The following NPTN variants were observed in gnomAD, a reference collection of about 807,000 sequenced individuals.
NPTN encodes SDR-1.
Under a neutral mutation model 42.7 loss-of-function variants are expected in NPTN, and 5 were observed. The observed-to-expected ratio is 0.12, with a 90% CI of 0.06 to 0.25. The LOEUF (loss-of-function observed/expected upper bound fraction) is 0.25, where lower values mean the gene tolerates loss of function less well. NPTN is among the 10% of genes least tolerant of loss of function. The probability of loss-of-function intolerance (pLI) is 1.00; values close to 1 mark genes in which losing one functional copy is unlikely to be tolerated. For synonymous variants in NPTN, 180 were observed against 201.9 expected, an observed-to-expected ratio of 0.89 and a Z score of 0.92; for missense variants, 307 against 525.4, an observed-to-expected ratio of 0.58 and a Z score of 4.06.
At chr15:73,580,434 T>C (rs912651279) in intron 4 of NPTN, among the ~76,000 whole-genome samples, 1 of 79,654 alleles carries the variant, frequency 1.3e-5, no homozygotes, top group African/African-American at 5.1e-5. Flanking sequence ...ATATATATAA[T>C]ATATATAATA....
chr15:73,596,184 T>C (rs1320174038), intron 2 of NPTN, among the ~76,000 whole-genome samples: 1 of 152,254 alleles, frequency 6.6e-6, no homozygotes, highest in African/African-American at 2.4e-5. Flanking sequence ...TAGTGTCACC[T>C]GGCTCCTAAC....
In NPTN at chr15:73,560,537, A is replaced by G. The variant is rs1420552668; in HGVS notation, c.*526T>C. On this transcript the variant is annotated 3_prime_UTR_variant, in exon 9 of 9. Transcript: ENST00000345330. ...AACTGCACAATTTCCTCATCTGACA[A>G]CATACAATAAGGAATGAATATCAGC... 1 of 152,148 alleles carries G rather than the reference A, an allele frequency of 6.6e-6. No homozygotes were observed. The highest frequency in any genetic ancestry group is 1.5e-5 in the Non-Finnish European group (1 of 67,952). 9.4% of individuals were successfully genotyped at this position (152,148 alleles called of 1,614,324 possible).
In NPTN at chr15:73,622,777, C is replaced by G. The variant is rs114235158; in HGVS notation, c.91+10348G>C. ...AAACCTCACCAAATTACAAGGCTGT[C>G]TTTTAAGTTCTAACTGGAAGGCCAA... On this transcript the variant is annotated intron_variant, in intron 1 of 8. Coordinates refer to ENST00000345330, the MANE Select transcript of NPTN (RefSeq NM_012428.4). Among the ~76,000 whole-genome samples, 1,507 of 152,312 alleles carry G rather than the reference C, an allele frequency of 9.9e-3. 25 individuals carry two copies. Among genetic ancestry groups the G allele is most frequent in the African/African-American group, 0.034 (1,432 of 41,566 alleles).
intron 1 of NPTN, among the ~76,000 whole-genome samples, chr15:73,611,776 G>A (rs1897592940): frequency 6.6e-6 from 1 of 152,140 alleles, no homozygotes; most frequent in Non-Finnish European, 1.5e-5. Flanking sequence ...ATGTGTCAGT[G>A]TAGGTTCATC....
intron 4 of NPTN, among the ~76,000 whole-genome samples, chr15:73,580,560 ATATACATGT>A (rs1895982695): frequency 7.1e-6 from 1 of 141,122 alleles, no homozygotes; most frequent in African/African-American, 2.6e-5. Flanking sequence ...GTATATATGT[ATATACATGT>A]TATATATGTA....
At chr15:73,613,301 T>C (rs777956806) in intron 1 of NPTN, among the ~76,000 whole-genome samples, 1 of 152,218 alleles carries the variant, frequency 6.6e-6, no homozygotes, top group South Asian at 2.1e-4. Context: ...TTTATTTTTA[T>C]CTATTAAAAT....
At chr15:73,616,971 CAGT>C (rs1566988251) in intron 1 of NPTN, among the ~76,000 whole-genome samples, 1 of 152,164 alleles carries the variant, frequency 6.6e-6, no homozygotes, top group Non-Finnish European at 1.5e-5. Context: ...GCTTCCCTCT[CAGT>C]AGGCCAATTT....
intron 1 of NPTN, among the ~76,000 whole-genome samples, chr15:73,616,461 G>T (rs960623517): frequency 6.6e-6 from 1 of 151,964 alleles, no homozygotes; most frequent in Non-Finnish European, 1.5e-5. Context: ...GATATACCAC[G>T]GGCCAAAGAG....
intron 1 of NPTN, among the ~76,000 whole-genome samples, chr15:73,598,842 G>A (rs1319450070): frequency 6.6e-6 from 1 of 152,122 alleles, no homozygotes. Context: ...TGAAAATGGA[G>A]GTTACTAAGT....
intron 1 of NPTN, among the ~76,000 whole-genome samples, chr15:73,616,560 C>T (rs1189405546): frequency 1.3e-5 from 2 of 152,170 alleles, no homozygotes. Context: ...CCTGCTGCCT[C>T]CTCAGTCCCT....
chr15:73,627,163 A>G (rs574771946), intron 1 of NPTN, among the ~76,000 whole-genome samples: 101 of 152,212 alleles, frequency 6.6e-4, no homozygotes, highest in Non-Finnish European at 1.2e-3. Context: ...TTGAACCCAG[A>G]AGGTGGAGGT....
chr15:73,585,465 G>T (rs950119297), intron 4 of NPTN, among the ~76,000 whole-genome samples: 2 of 152,204 alleles, frequency 1.3e-5, no homozygotes, highest in South Asian at 4.1e-4. Context: ...CACAATTGGA[G>T]GTTAGCTTAG....
intron 1 of NPTN, chr15:73,599,673 G>A (rs35334850): frequency 4.0e-5 from 6 of 151,760 alleles, no homozygotes; most frequent in African/African-American, 1.2e-4. Context: ...GGGAAGTAAA[G>A]GAAGTTGGTT....
chr15:73,580,219 A>G (rs1895915665), intron 4 of NPTN, among the ~76,000 whole-genome samples: 1 of 151,486 alleles, frequency 6.6e-6, no homozygotes, highest in East Asian at 1.9e-4. Context: ...AAAAATAAAA[A>G]TATACAACAT....
intron 6 of NPTN, chr15:73,568,445 C>T (rs1277126141): frequency 1.0e-6 from 1 of 985,256 alleles, no homozygotes; most frequent in African/African-American, 1.7e-5. Context: ...ATAAAAAGGC[C>T]CTTTTCAGGA....
At chr15:73,567,089 T>C in intron 6 of NPTN, 2 of 980,654 alleles carry the variant, frequency 2.0e-6, no homozygotes, top group Non-Finnish European at 2.4e-6. Context: ...TTTGATTTTC[T>C]AGTGAAACAT....
chr15:73,602,380 A>G (rs1222221814), intron 1 of NPTN, among the ~76,000 whole-genome samples: 1 of 152,208 alleles, frequency 6.6e-6, no homozygotes. Context: ...ATGACAGCCA[A>G]GATCATAAGA....
intron 6 of NPTN, chr15:73,568,145 C>G: frequency 2.6e-5 from 26 of 985,442 alleles, no homozygotes; most frequent in Non-Finnish European, 3.1e-5. Flanking sequence ...GGTGTCTGCA[C>G]TTATCCAACA....
chr15:73,630,236 C>A (rs1420802080), intron 1 of NPTN, among the ~76,000 whole-genome samples: 1 of 152,142 alleles, frequency 6.6e-6, no homozygotes, highest in Non-Finnish European at 1.5e-5. Context: ...CTGAAGTTTG[C>A]ATTACTCAAG....
Sources: allele counts gnomAD v4.1 joint callset (sites outside exome capture counted in the v4.1 genomes callset), GRCh38; gene constraint gnomAD v4.1.1; transcripts MANE v1.5; gene names NCBI Gene and HGNC (gene_info 2026-07-23, HGNC 2026-07-21).